Variants in COL26A1 observed in about 807,000 individuals in gnomAD.
COL26A1 encodes collagen alpha-1(XXVI) chain.
In COL26A1, 41 loss-of-function variants were observed where a neutral mutation model predicts 59.3. The observed-to-expected ratio is 0.69, with a 90% confidence interval of 0.54 to 0.90. The LOEUF (loss-of-function observed/expected upper bound fraction) is 0.90, where lower values mean the gene tolerates loss of function less well. Ranked by LOEUF, COL26A1 falls within the 40% of genes least tolerant of loss-of-function variation. The pLI is 0.00. For synonymous variants in COL26A1, 266 were observed against 256.0 expected, an observed-to-expected ratio of 1.04 and a Z score of -0.37; for missense variants, 612 against 602.3, an observed-to-expected ratio of 1.02 and a Z score of -0.17.
intron 2 of COL26A1, among the ~76,000 whole-genome samples, chr7:101,429,006 T>G (rs565308151): frequency 6.6e-6 from 1 of 151,294 alleles, no homozygotes; most frequent in Admixed American, 6.6e-5. Flanking sequence ...CTCACTGCAA[T>G]CTCTGCCTCC....
intron 1 of COL26A1, among the ~76,000 whole-genome samples, chr7:101,388,014 TCAGCCTCCCAAAGTGCTGGGAG>T (rs1364712976): frequency 6.6e-6 from 1 of 150,604 alleles, no homozygotes; most frequent in Non-Finnish European, 1.5e-5. Context: ...TTTGCTCACC[TCAGCCTCCCAAAGTGCTGGGAG>T]TACAGGCGTG....
At chr7:101,514,515 C>G (rs1794988892) in intron 3 of COL26A1, among the ~76,000 whole-genome samples, 1 of 152,106 alleles carries the variant, frequency 6.6e-6, no homozygotes, top group African/African-American at 2.4e-5. Flanking sequence ...TCCCCAACAA[C>G]CCTATTAGGG....
intron 3 of COL26A1, among the ~76,000 whole-genome samples, chr7:101,512,593 G>A (rs1247283775): frequency 6.6e-6 from 1 of 152,216 alleles, no homozygotes; most frequent in Non-Finnish European, 1.5e-5. Context: ...CTGCACTCCA[G>A]CCTGGGCAAT....
upstream of COL26A1, chr7:101,362,791 T>G: frequency 3.9e-6 from 2 of 515,246 alleles, no homozygotes; most frequent in Admixed American, 3.9e-5. Context: ...CCGCCGAGGG[T>G]TAACAAAAAA....
chr7:101,494,212 C>T (rs1340473005), intron 3 of COL26A1, among the ~76,000 whole-genome samples: 9 of 151,540 alleles, frequency 5.9e-5, no homozygotes, highest in Admixed American at 1.3e-4. Context: ...CTGCAAACTC[C>T]GCTGTCTGGC....
chr7:101,549,780 GCTAA>G (rs1795821934), intron 9 of COL26A1, among the ~76,000 whole-genome samples: 1 of 152,212 alleles, frequency 6.6e-6, no homozygotes, highest in Non-Finnish European at 1.5e-5. Flanking sequence ...TCACAGATGA[GCTAA>G]CTGAGTCCCA....
chr7:101,557,091 G>A (rs1357203117), intron 12 of COL26A1, among the ~76,000 whole-genome samples: 1 of 152,122 alleles, frequency 6.6e-6, no homozygotes, highest in African/African-American at 2.4e-5. Flanking sequence ...ATAGATAAAT[G>A]AGTGACTGAG....
chr7:101,478,014 G>T (rs998114975), intron 3 of COL26A1, among the ~76,000 whole-genome samples: 1 of 152,068 alleles, frequency 6.6e-6, no homozygotes, highest in Admixed American at 6.6e-5. Flanking sequence ...ACGGAGTCTC[G>T]CTCTGTTGCC....
At chr7:101,494,960 C>T (rs1030731850) in intron 3 of COL26A1, among the ~76,000 whole-genome samples, 2 of 152,186 alleles carry the variant, frequency 1.3e-5, no homozygotes, top group African/African-American at 2.4e-5. Flanking sequence ...CATCTCAGCC[C>T]TGGGCTTCCT....
chr7:101,502,104 C>T (rs1468702167), intron 3 of COL26A1, among the ~76,000 whole-genome samples: 2 of 152,212 alleles, frequency 1.3e-5, no homozygotes, highest in Non-Finnish European at 2.9e-5. Flanking sequence ...AATCCCAGCA[C>T]TTTGGGAGGC....
chr7:101,474,375 T>A (rs1008424827), intron 3 of COL26A1, among the ~76,000 whole-genome samples: 8 of 151,484 alleles, frequency 5.3e-5, no homozygotes, highest in African/African-American at 9.7e-5. Context: ...GGTAGGAGGA[T>A]CACTTGAGCC....
chr7:101,402,284 C>T (rs1416387829), intron 1 of COL26A1, among the ~76,000 whole-genome samples: 1 of 152,094 alleles, frequency 6.6e-6, no homozygotes, highest in Non-Finnish European at 1.5e-5. Flanking sequence ...TCCTTAGATT[C>T]TTATCAGGGA....
intron 2 of COL26A1, among the ~76,000 whole-genome samples, chr7:101,439,059 ACCT>A (rs1792984630): frequency 6.6e-6 from 1 of 152,144 alleles, no homozygotes; most frequent in Non-Finnish European, 1.5e-5. Flanking sequence ...GGGCTCGCCC[ACCT>A]TCAGCTCATT....
chr7:101,519,223 T>C (rs924935376), intron 3 of COL26A1, among the ~76,000 whole-genome samples: 1 of 152,202 alleles, frequency 6.6e-6, no homozygotes, highest in African/African-American at 2.4e-5. Context: ...TGCACCTTTT[T>C]GGGAGCTCTC....
At chr7:101,516,088 C>G (rs1011555019) in intron 3 of COL26A1, among the ~76,000 whole-genome samples, 5 of 152,148 alleles carry the variant, frequency 3.3e-5, no homozygotes, top group African/African-American at 4.8e-5. Context: ...GGAGGGTGAA[C>G]CTGGTTTTAG....
At chr7:101,514,967 A>G (rs772275988) in intron 3 of COL26A1, among the ~76,000 whole-genome samples, 156 of 152,320 alleles carry the variant, frequency 1.0e-3, no homozygotes, top group Non-Finnish European at 6.2e-4. Context: ...GGTTGTCCCA[A>G]GTTCTTTCAA....
intron 3 of COL26A1, among the ~76,000 whole-genome samples, chr7:101,480,645 C>T (rs1794135422): frequency 2.0e-5 from 3 of 151,998 alleles, no homozygotes; most frequent in South Asian, 2.1e-4. Flanking sequence ...GGACTATAGG[C>T]GTGCGTCACC....
chr7:101,530,446 T>C (rs1379278723), intron 3 of COL26A1, among the ~76,000 whole-genome samples: 1 of 151,284 alleles, frequency 6.6e-6, no homozygotes, highest in Non-Finnish European at 1.5e-5. Flanking sequence ...TGCGTGCCTG[T>C]AATCCTAGCT....
chr7:101,407,867 T>C (rs1792164173), intron 1 of COL26A1, among the ~76,000 whole-genome samples: 1 of 152,072 alleles, frequency 6.6e-6, no homozygotes, highest in Non-Finnish European at 1.5e-5. Flanking sequence ...CATATGCAAA[T>C]TAAGGGGCGG....
Sources: allele counts gnomAD v4.1 joint callset (sites outside exome capture counted in the v4.1 genomes callset), GRCh38; gene constraint gnomAD v4.1.1; transcripts MANE v1.5; gene names NCBI Gene and HGNC (gene_info 2026-07-23, HGNC 2026-07-21).